The following HNRNPF variants were observed in gnomAD, a reference collection of about 807,000 sequenced individuals.
HNRNPF encodes the protein HnRNP F protein.
HNRNPF carries 2 observed loss-of-function variants against 26.0 expected under a neutral mutation model. The observed-to-expected ratio is 0.08, with a 90% CI of 0.03 to 0.24. The LOEUF (loss-of-function observed/expected upper bound fraction) is 0.24. Among genes scored for constraint, HNRNPF ranks in the 10% least tolerant of loss-of-function variants. The pLI is 1.00. For synonymous variants in HNRNPF, 234 were observed against 211.5 expected, an observed-to-expected ratio of 1.11 and a Z score of -0.92; for missense variants, 299 against 539.2, an observed-to-expected ratio of 0.55 and a Z score of 4.41.
In HNRNPF at chr10:43,386,958, G is replaced by A. The variant is rs1191823622; in HGVS notation, c.927C>T (p.Phe309=). 1.2e-6 allele frequency: 2 copies of A among 1,614,204 alleles called. No individual in the cohort carries two copies. Among genetic ancestry groups the A allele is most frequent in the African/African-American group, 1.3e-5 (1 of 75,054 alleles). Residue 309 remains phenylalanine (F), a synonymous_variant, in exon 4 of 4, where the codon TTC becomes TTT. Coordinates refer to ENST00000682386, the MANE Select transcript of HNRNPF (RefSeq NM_001098204.2). Reference sequence around the variant, plus strand: ...GGACTCTCACAGGGTTGAGAGGAGAGAAGAAGTTGTAAATGTCGTTCTCGG... The same window carrying A: ...GGACTCTCACAGGGTTGAGAGGAGAAAAGAAGTTGTAAATGTCGTTCTCGG... The part of the protein sequence containing the change: ...KATENDIYNF[F]SPLNPVRVHI...
At position 43,387,141 on chromosome 10, in the gene HNRNPF, G is replaced by A. The variant is rs749095803; in HGVS notation, c.744C>T (p.Gly248=). 11 of 1,614,044 alleles carry A rather than the reference G, an allele frequency of 6.8e-6. No homozygotes were observed. The highest frequency in any genetic ancestry group is 8.5e-7 in the Non-Finnish European group (1 of 1,180,024). ...TGYGGYEEYS[G]LSDGYGFTTD... The stretch of plus-strand genomic sequence containing the variant: ...TGGTGAAGCCGTAGCCATCACTGAG[G>A]CCACTGTACTCCTCGTAGCCCCCGT... The change falls in exon 4 of 4, where the codon GGC becomes GGT. Residue 248 remains glycine (G), a synonymous_variant. Coordinates refer to ENST00000682386, the MANE Select transcript of HNRNPF (RefSeq NM_001098204.2). The surrounding 1 kb of genome is among the most constrained non-coding windows in gnomAD (Gnocchi z 6.0).
chr10:43,393,826 T>C (rs899496200), intron 3 of HNRNPF, among the ~76,000 whole-genome samples: 24 of 152,212 alleles, frequency 1.6e-4, no homozygotes, highest in Admixed American at 6.5e-5. Context: ...TCTCCTGGAA[T>C]GTGGCAAGCT....
chr10:43,397,877 TTTC>T (rs765025022), intron 1 of HNRNPF, among the ~76,000 whole-genome samples: 117 of 152,354 alleles, frequency 7.7e-4, no homozygotes, highest in Non-Finnish European at 1.4e-3. Context: ...TGATACCTGA[TTTC>T]TTGAATGTTT....
intron 3 of HNRNPF, among the ~76,000 whole-genome samples, chr10:43,392,493 C>T (rs997541569): frequency 2.0e-5 from 3 of 152,180 alleles, no homozygotes; most frequent in East Asian, 1.9e-4. Context: ...GAGCTGAGAT[C>T]GTGCCACTGC....
intron 1 of HNRNPF, among the ~76,000 whole-genome samples, chr10:43,407,342 G>A (rs1238514601): frequency 6.6e-6 from 1 of 152,098 alleles, no homozygotes; most frequent in African/African-American, 2.4e-5. Flanking sequence ...GAGAACTAAA[G>A]AGGCGCGTCA....
intron 1 of HNRNPF, chr10:43,408,587 G>C (rs1321292650): frequency 6.6e-6 from 1 of 152,216 alleles, no homozygotes; most frequent in Non-Finnish European, 1.5e-5. Flanking sequence ...TCCCCAGGTA[G>C]TCCGGGTACG....
At chr10:43,391,292 C>CA (rs56118525) in intron 3 of HNRNPF, among the ~76,000 whole-genome samples, 3,335 of 107,508 alleles carry the variant, frequency 0.031, 37 homozygotes, top group Non-Finnish European at 0.044. Context: ...GACTCTGTCT[C>CA]AAAAAAAAAA....
chr10:43,396,191 G>C (rs1488941843), intron 2 of HNRNPF, among the ~76,000 whole-genome samples: 1 of 152,226 alleles, frequency 6.6e-6, no homozygotes, highest in African/African-American at 2.4e-5. Flanking sequence ...GGGCGCGCCG[G>C]AGTCCTACCA....
chr10:43,391,821 A>G (rs2131967670), intron 3 of HNRNPF, among the ~76,000 whole-genome samples: 1 of 152,184 alleles, frequency 6.6e-6, no homozygotes, highest in African/African-American at 2.4e-5. Flanking sequence ...TGGTAATTAA[A>G]CATGCTCAGT....
intron 1 of HNRNPF, among the ~76,000 whole-genome samples, chr10:43,397,645 AT>A (rs1288220402): frequency 2.0e-5 from 3 of 152,210 alleles, no homozygotes; most frequent in African/African-American, 7.2e-5. Flanking sequence ...TTGAAAAAAA[AT>A]CTTTGAAAAA....
rs1838097734 is a variant in HNRNPF, at chr10:43,387,971, G to C, written c.-52-35C>G. ...AAAAAAAGAAAAATTTATTTAGTAT[G>C]CAACAGAAATTTTCCCCATTTTACA... On this transcript the variant is annotated intron_variant, in intron 3 of 3. Coordinates refer to ENST00000682386, the MANE Select transcript of HNRNPF (RefSeq NM_001098204.2). The surrounding 1 kb of genome is among the most constrained non-coding windows in gnomAD (Gnocchi z 6.0). 1 of 1,174,052 alleles carries C rather than the reference G, an allele frequency of 8.5e-7. No individual in the cohort carries two copies. The highest frequency in any genetic ancestry group is 2.4e-5 in the East Asian group (1 of 41,032). The allele number at this position is 1,174,052 out of a possible 1,614,324, so 72.7% of individuals were successfully genotyped here.
At chr10:43,390,641 A>G (rs1838206568) in intron 3 of HNRNPF, among the ~76,000 whole-genome samples, 2 of 152,132 alleles carry the variant, frequency 1.3e-5, no homozygotes, top group South Asian at 4.1e-4. Flanking sequence ...CCTTCCTCAC[A>G]ATACATGGAA....
In HNRNPF at chr10:43,386,147, A is replaced by G. The variant is rs1438985283; in HGVS notation, c.*490T>C. Reference sequence around the variant, plus strand: ...AAAGTTTTAAGTCAAGGCCTCACCAATTCCTACAGTATTAGTATTGTGTCT... The same window carrying G: ...AAAGTTTTAAGTCAAGGCCTCACCAGTTCCTACAGTATTAGTATTGTGTCT... On this transcript the variant is annotated 3_prime_UTR_variant, in exon 4 of 4. Transcript: ENST00000682386. 2 of 152,748 alleles carry G rather than the reference A, an allele frequency of 1.3e-5. No individual in the cohort carries two copies. Among genetic ancestry groups the G allele is most frequent in the African/African-American group, 4.8e-5 (2 of 41,458 alleles). The allele number at this position is 152,748 out of a possible 1,614,324, so 9.5% of individuals were successfully genotyped here. A position where few individuals can be genotyped will look rare whatever the true frequency, so the allele number is the denominator to read the frequency against.
intron 1 of HNRNPF, among the ~76,000 whole-genome samples, chr10:43,396,982 G>C (rs1281124246): frequency 6.6e-6 from 1 of 151,954 alleles, no homozygotes; most frequent in Non-Finnish European, 1.5e-5. Flanking sequence ...AGGTGGGGTG[G>C]GGGCTGCTCC....
chr10:43,398,347 T>G lies in HNRNPF; in HGVS notation c.-246-1757A>C, dbSNP rs971398596. Among the ~76,000 whole-genome samples, 281 of 148,314 alleles carry G rather than the reference T, an allele frequency of 1.9e-3. 5 individuals are homozygous for G. The East Asian group carries it at 0.019, about 10-fold the overall frequency. On this transcript the variant is annotated intron_variant, in intron 1 of 3. Coordinates refer to ENST00000682386, the MANE Select transcript of HNRNPF (RefSeq NM_001098204.2). ...CTGTTTGGAGTTTGTTGTTGTTGTT[T>G]TTTTTTTTTTTTGAGAGACAGTCTT...
At chr10:43,398,441 A>G (rs1267539504) in intron 1 of HNRNPF, among the ~76,000 whole-genome samples, 4 of 151,016 alleles carry the variant, frequency 2.6e-5, no homozygotes, top group South Asian at 2.1e-4. Context: ...CCCAGGTTCA[A>G]GCGATTCTCC....
intron 1 of HNRNPF, among the ~76,000 whole-genome samples, chr10:43,407,268 C>A (rs992744638): frequency 1.3e-5 from 2 of 151,468 alleles, no homozygotes; most frequent in Non-Finnish European, 2.9e-5. Context: ...CAGCCGCCAG[C>A]GCGCGCCTCG....
chr10:43,396,302 T>A (rs1395462177), intron 2 of HNRNPF, among the ~76,000 whole-genome samples, 154 bp downstream of exon 2: 1 of 152,194 alleles, frequency 6.6e-6, no homozygotes, highest in African/African-American at 2.4e-5. Context: ...CCTCCCCTCC[T>A]AGACACACTC....
intron 3 of HNRNPF, among the ~76,000 whole-genome samples, chr10:43,391,709 A>G (rs74896031): frequency 2.0e-5 from 3 of 152,138 alleles, no homozygotes; most frequent in Non-Finnish European, 2.9e-5. Flanking sequence ...TACAGCGGAC[A>G]TCGTGAACAA....
Sources: gnomAD v4.1 joint callset for allele counts (sites outside exome capture counted in the v4.1 genomes callset) on GRCh38, gnomAD v4.1.1 for gene constraint, Gnocchi (gnomAD v3.1) non-coding constraint, MANE v1.5 for transcripts, NCBI Gene and HGNC (gene_info 2026-07-23, HGNC 2026-07-21) for gene names.